ADGRB3: variants seen among roughly 807,000 people sequenced by gnomAD.
ADGRB3 encodes brain-specific angiogenesis inhibitor 3.
ADGRB3 carries 37 observed loss-of-function variants against 193.4 expected under a neutral mutation model. The observed-to-expected ratio is 0.19, with a 90% CI of 0.15 to 0.25. The LOEUF (loss-of-function observed/expected upper bound fraction) is 0.25, where lower values mean the gene tolerates loss of function less well. Among genes scored for constraint, ADGRB3 ranks in the 10% least tolerant of loss-of-function variants. The pLI is 1.00. For synonymous variants in ADGRB3, 690 were observed against 644.2 expected, an observed-to-expected ratio of 1.07 and a Z score of -1.08; for missense variants, 1,637 against 1,852.9, an observed-to-expected ratio of 0.88 and a Z score of 2.14.
intron 20 of ADGRB3, among the ~76,000 whole-genome samples, chr6:69,256,182 G>A (rs1486331801): frequency 6.6e-6 from 1 of 151,408 alleles, no homozygotes; most frequent in Non-Finnish European, 1.5e-5. Context: ...ACTTGGCGAT[G>A]CGGGCTCTTT....
At chr6:69,298,736 T>C (rs12211243) in intron 20 of ADGRB3, among the ~76,000 whole-genome samples, 1,764 of 152,168 alleles carry the variant, frequency 0.012, 22 homozygotes, top group Non-Finnish European at 0.016. Context: ...TGTGGCTGGA[T>C]CATATTCCAT....
intron 20 of ADGRB3, among the ~76,000 whole-genome samples, chr6:69,312,021 A>G (rs1215589177): frequency 6.6e-6 from 1 of 151,766 alleles, no homozygotes. Flanking sequence ...CTTTAGAGAA[A>G]GGTGAGGGGA....
At chr6:68,853,222 G>A (rs1465467423) in intron 3 of ADGRB3, among the ~76,000 whole-genome samples, 1 of 151,830 alleles carries the variant, frequency 6.6e-6, no homozygotes, top group Non-Finnish European at 1.5e-5. Context: ...ATATATCTTT[G>A]TACAATAATA....
chr6:69,125,830 G>T lies in ADGRB3; in HGVS notation c.2480+49792G>T, dbSNP rs540389031. ...TTACCTCCCACTTTGAAGGCAATTT[G>T]TTCTGTTCTGGTATCTCTTTCAGCC... is the stretch of plus-strand genomic sequence containing the variant. On this transcript the variant is annotated intron_variant, in intron 17 of 31. Transcript: ENST00000370598. Among the ~76,000 whole-genome samples the T allele has an allele frequency of 1.8e-4, 28 of 152,252 alleles. 1 individual carries two copies. In the East Asian group the frequency reaches 5.4e-3, roughly 29 times the overall value.
chr6:68,771,826 G>C (rs1766623777), intron 3 of ADGRB3, among the ~76,000 whole-genome samples: 1 of 152,092 alleles, frequency 6.6e-6, no homozygotes, highest in Admixed American at 6.6e-5. Context: ...CAAGGGGAAG[G>C]AAAGGTTGCA....
intron 3 of ADGRB3, among the ~76,000 whole-genome samples, chr6:68,765,537 G>GAC (rs59919588): frequency 0.12 from 17,280 of 143,428 alleles, 1,074 homozygotes; most frequent in Non-Finnish European, 0.14. Context: ...TATTCTTATA[G>GAC]ACACACACAC....
At chr6:68,876,216 G>T (rs918146016) in intron 3 of ADGRB3, among the ~76,000 whole-genome samples, 2 of 152,032 alleles carry the variant, frequency 1.3e-5, no homozygotes, top group African/African-American at 2.4e-5. Context: ...CAGGTAAAAA[G>T]ATGTCAGACA....
At chr6:68,636,717 C>T (rs1767967412) in intron 1 of ADGRB3, among the ~76,000 whole-genome samples, 1 of 152,152 alleles carries the variant, frequency 6.6e-6, no homozygotes. Context: ...TATTTCCTCA[C>T]TCTCTGATCA....
chr6:68,833,992 A>G (rs1768002107), intron 3 of ADGRB3, among the ~76,000 whole-genome samples: 1 of 149,192 alleles, frequency 6.7e-6, no homozygotes, highest in South Asian at 2.1e-4. Context: ...CAGTGTCCTC[A>G]GCACCAAGCA....
intron 20 of ADGRB3, among the ~76,000 whole-genome samples, chr6:69,314,801 A>C (rs1255091171): frequency 6.6e-6 from 1 of 151,538 alleles, no homozygotes; most frequent in East Asian, 1.9e-4. Context: ...TGAAGTGATA[A>C]TAACAAAAGG....
chr6:69,213,336 T>C (rs908777054), intron 17 of ADGRB3, among the ~76,000 whole-genome samples: 2 of 152,194 alleles, frequency 1.3e-5, no homozygotes, highest in Non-Finnish European at 2.9e-5. Context: ...AGATGCTTTG[T>C]TCCAAAAATC....
At chr6:68,999,488 T>A (rs1379371950) in intron 11 of ADGRB3, among the ~76,000 whole-genome samples, 3 of 152,062 alleles carry the variant, frequency 2.0e-5, no homozygotes, top group Non-Finnish European at 4.4e-5. Context: ...ATGGTCTCCA[T>A]CTCCTGACCT....
chr6:68,885,358 A>T (rs1301814981), intron 3 of ADGRB3, among the ~76,000 whole-genome samples: 1 of 152,266 alleles, frequency 6.6e-6, no homozygotes, highest in South Asian at 2.1e-4. Context: ...AATTTTAAAT[A>T]ATATTAATTG....
At chr6:69,210,528 A>G (rs1017280571) in intron 17 of ADGRB3, among the ~76,000 whole-genome samples, 1 of 152,064 alleles carries the variant, frequency 6.6e-6, no homozygotes, top group Non-Finnish European at 1.5e-5. Context: ...CTTCAATTCA[A>G]TCAAGTTGAC....
chr6:69,334,558 A>G (rs1438142660), intron 24 of ADGRB3, among the ~76,000 whole-genome samples: 1 of 152,224 alleles, frequency 6.6e-6, no homozygotes, highest in Non-Finnish European at 1.5e-5. Flanking sequence ...TGAACGTAGT[A>G]CAAGCACAGC....
intron 17 of ADGRB3, among the ~76,000 whole-genome samples, chr6:69,092,478 C>T (rs930517306): frequency 6.6e-6 from 1 of 152,166 alleles, no homozygotes; most frequent in African/African-American, 2.4e-5. Flanking sequence ...CTATTCCAAA[C>T]CTGTACCTAC....
intron 3 of ADGRB3, among the ~76,000 whole-genome samples, chr6:68,663,620 G>A (rs1013141684): frequency 6.6e-6 from 1 of 151,668 alleles, no homozygotes; most frequent in Admixed American, 6.6e-5. Flanking sequence ...TTAAAGAATC[G>A]CCTGCTTCAA....
At chr6:69,080,102 AT>A (rs1411373835) in intron 17 of ADGRB3, among the ~76,000 whole-genome samples, 1 of 152,052 alleles carries the variant, frequency 6.6e-6, no homozygotes, top group African/African-American at 2.4e-5. Context: ...TAACCAGAAT[AT>A]CTTTCTCTCC....
At chr6:69,354,749 G>A (rs553472527) in intron 27 of ADGRB3, among the ~76,000 whole-genome samples, 1 of 152,226 alleles carries the variant, frequency 6.6e-6, no homozygotes, top group African/African-American at 2.4e-5. Flanking sequence ...CAAAATATTG[G>A]GAGTAGGACC....
Sources: gnomAD v4.1 joint callset for allele counts (sites outside exome capture counted in the v4.1 genomes callset) on GRCh38, gnomAD v4.1.1 for gene constraint, MANE v1.5 for transcripts, NCBI Gene and HGNC (gene_info 2026-07-23, HGNC 2026-07-21) for gene names.